The following CCDC148 variants were observed in gnomAD, a reference collection of about 807,000 sequenced individuals.
CCDC148 encodes coiled-coil domain containing 148.
Under a neutral mutation model 85.7 loss-of-function variants are expected in CCDC148, and 89 were observed. The observed-to-expected ratio is 1.04, with a 90% CI of 0.87 to 1.24. The LOEUF (loss-of-function observed/expected upper bound fraction) is 1.24. Among genes scored for constraint, CCDC148 ranks in the 50% most tolerant of loss-of-function variants. The pLI, the probability that CCDC148 is intolerant of heterozygous loss-of-function variation, is 0.00. For missense variants in CCDC148, 692 were observed against 671.7 expected (o/e 1.03, Z -0.33); for synonymous variants, 230 against 213.9 (o/e 1.08, Z -0.66).
intron 11 of CCDC148, among the ~76,000 whole-genome samples, chr2:158,179,403 T>C (rs6437145): frequency 0.067 from 10,132 of 152,014 alleles, 522 homozygotes; most frequent in Admixed American, 0.18. Flanking sequence ...GTGATCCGCC[T>C]GCCTTGGCCA....
intron 9 of CCDC148, among the ~76,000 whole-genome samples, chr2:158,273,071 G>C (rs1185389903): frequency 6.6e-6 from 1 of 152,164 alleles, no homozygotes; most frequent in Non-Finnish European, 1.5e-5. Flanking sequence ...GAGGATGTGA[G>C]AAGTGAGTAA....
rs915902716 is a variant in CCDC148 at position 158,282,031 on chromosome 2, T to C, written c.1110+27402A>G. On this transcript the variant is annotated intron_variant, in intron 9 of 13. Coordinates refer to ENST00000283233, the MANE Select transcript of CCDC148 (RefSeq NM_138803.4). ...AACAGAACAAAAGACAAAAACCACATGATTATCTCAATAGATGCAGAAAAG... is the reference window on the plus strand; with the variant it reads ...AACAGAACAAAAGACAAAAACCACACGATTATCTCAATAGATGCAGAAAAG... Among the ~76,000 whole-genome samples, 46 of 151,866 alleles carry C rather than the reference T, an allele frequency of 3.0e-4. 1 individual carries two copies. Among genetic ancestry groups the C allele is most frequent in the African/African-American group, 9.9e-4 (41 of 41,358 alleles).
intron 1 of CCDC148, among the ~76,000 whole-genome samples, chr2:158,370,060 G>A (rs1036901316): frequency 2.0e-5 from 3 of 152,074 alleles, no homozygotes; most frequent in Non-Finnish European, 2.9e-5. Context: ...GTTGGATTCA[G>A]TTTGCCAGTA....
At chr2:158,298,969 T>C (rs1027294593) in intron 9 of CCDC148, among the ~76,000 whole-genome samples, 1 of 152,192 alleles carries the variant, frequency 6.6e-6, no homozygotes, top group Admixed American at 6.5e-5. Flanking sequence ...CTGGGTTATG[T>C]TATATTTCTC....
intron 5 of CCDC148, 77 bp from the exon 6 acceptor site, chr2:158,339,162 A>G: frequency 8.9e-7 from 1 of 1,127,086 alleles, no homozygotes; most frequent in Non-Finnish European, 1.3e-6. Context: ...CACAATAATT[A>G]TTCTCAAAAG....
chr2:158,454,005 G>T (rs1688505531), intron 1 of CCDC148, among the ~76,000 whole-genome samples: 2 of 152,132 alleles, frequency 1.3e-5, no homozygotes, highest in Admixed American at 1.3e-4. Flanking sequence ...TGGATCCTCA[G>T]GCTAGGTAAC....
chr2:158,308,855 C>T (rs192659041), intron 9 of CCDC148, among the ~76,000 whole-genome samples: 155 of 152,272 alleles, frequency 1.0e-3, no homozygotes, highest in African/African-American at 3.6e-3. Context: ...TGCTCCAGTC[C>T]TCAATCCTTC....
At chr2:158,309,839 G>A (rs1325756153) in intron 8 of CCDC148, among the ~76,000 whole-genome samples, 200 bp from the exon 9 acceptor site, 1 of 152,174 alleles carries the variant, frequency 6.6e-6, no homozygotes, top group Non-Finnish European at 1.5e-5. Flanking sequence ...TGGTGACTGA[G>A]GACAAGTCAT....
At chr2:158,387,764 C>T (rs1685150582) in intron 1 of CCDC148, among the ~76,000 whole-genome samples, 1 of 152,136 alleles carries the variant, frequency 6.6e-6, no homozygotes, top group Admixed American at 6.5e-5. Context: ...TGACACAGTG[C>T]ACTAGTCACC....
intron 1 of CCDC148, among the ~76,000 whole-genome samples, chr2:158,389,742 A>C (rs1170316783): frequency 2.6e-5 from 4 of 152,228 alleles, no homozygotes; most frequent in African/African-American, 9.6e-5. Context: ...TTCCAAGACA[A>C]CTTTTGCACA....
intron 9 of CCDC148, among the ~76,000 whole-genome samples, chr2:158,278,654 T>C (rs1169160831): frequency 6.6e-6 from 1 of 152,236 alleles, no homozygotes; most frequent in Non-Finnish European, 1.5e-5. Context: ...CCACCACAGC[T>C]CAAGGAGGCC....
chr2:158,336,398 T>C (rs1682379205), intron 7 of CCDC148, among the ~76,000 whole-genome samples: 3 of 152,164 alleles, frequency 2.0e-5, no homozygotes, highest in African/African-American at 7.2e-5. Flanking sequence ...ATTTATAAAA[T>C]ATTTTCTTTA....
chr2:158,418,628 T>C (rs1171634494), intron 1 of CCDC148, among the ~76,000 whole-genome samples: 3 of 148,002 alleles, frequency 2.0e-5, no homozygotes, highest in Non-Finnish European at 4.5e-5. Flanking sequence ...TATGTGACAA[T>C]CCTGCCCAAA....
chr2:158,224,376 G>A (rs1305898161), intron 10 of CCDC148, among the ~76,000 whole-genome samples: 2 of 152,228 alleles, frequency 1.3e-5, no homozygotes, highest in Non-Finnish European at 2.9e-5. Flanking sequence ...ATGGAAACAA[G>A]TTGGAAAACA....
At chr2:158,237,668 C>T (rs1254729405) in intron 10 of CCDC148, among the ~76,000 whole-genome samples, 1 of 152,084 alleles carries the variant, frequency 6.6e-6, no homozygotes, top group African/African-American at 2.4e-5. Context: ...GGAGTTAACA[C>T]ATATGAGTTT....
rs373939563 is a variant in CCDC148, at chr2:158,359,835, C to T, written c.26-1265G>A. Among the ~76,000 whole-genome samples the T allele has an allele frequency of 1.6e-3, 243 of 152,220 alleles. 2 individuals are homozygous for T. Among genetic ancestry groups the T allele is most frequent in the African/African-American group, 5.5e-3 (230 of 41,528 alleles). On this transcript the variant is annotated intron_variant, in intron 1 of 13. Transcript: ENST00000283233. The stretch of plus-strand genomic sequence containing the variant: ...TGCCAGTGAGACAGAACCATTCACT[C>T]CCCTGGAAAGGGGGCTGAAACCAGG...
At chr2:158,333,680 C>G (rs2105235470) in intron 7 of CCDC148, among the ~76,000 whole-genome samples, 1 of 152,202 alleles carries the variant, frequency 6.6e-6, no homozygotes, top group South Asian at 2.1e-4. Flanking sequence ...TAAGAACATG[C>G]TTTAGGATCT....
intron 11 of CCDC148, among the ~76,000 whole-genome samples, chr2:158,215,057 C>T (rs1300287338): frequency 6.6e-6 from 1 of 152,002 alleles, no homozygotes; most frequent in African/African-American, 2.4e-5. Flanking sequence ...AGGACACTAT[C>T]AATGTAGAAC....
chr2:158,217,412 C>A (rs533360747), intron 11 of CCDC148, among the ~76,000 whole-genome samples: 2 of 133,208 alleles, frequency 1.5e-5, no homozygotes, highest in African/African-American at 5.6e-5. Flanking sequence ...ACATACATTT[C>A]ATTTTTTTGA....
Sources: allele counts gnomAD v4.1 joint callset (sites outside exome capture counted in the v4.1 genomes callset), GRCh38; gene constraint gnomAD v4.1.1; transcripts MANE v1.5; gene names NCBI Gene and HGNC (gene_info 2026-07-23, HGNC 2026-07-21).